Variants in SH3RF3 observed in about 807,000 individuals in gnomAD.
SH3RF3 encodes the protein SH3 domain containing ring finger 3.
SH3RF3 carries 29 observed loss-of-function variants against 66.3 expected under a neutral mutation model. That is an observed-to-expected ratio of 0.44 (90% CI 0.33 to 0.60). The LOEUF (loss-of-function observed/expected upper bound fraction) is 0.60, where lower values mean the gene tolerates loss of function less well. Ranked by LOEUF, SH3RF3 falls within the 20% of genes least tolerant of loss-of-function variation. The probability of loss-of-function intolerance (pLI) is 0.04; values close to 1 mark genes in which losing one functional copy is unlikely to be tolerated. For missense variants in SH3RF3, 1,194 were observed against 1,190.9 expected (o/e 1.00, Z -0.04); for synonymous variants, 583 against 532.0 (o/e 1.10, Z -1.32).
intron 2 of SH3RF3, among the ~76,000 whole-genome samples, chr2:109,350,546 G>A (rs1037747685): frequency 6.6e-6 from 1 of 152,156 alleles, no homozygotes; most frequent in Non-Finnish European, 1.5e-5. Context: ...GCAGAGATTG[G>A]CCACCCCTGC....
chr2:109,491,289 T>A (rs979798447), intron 9 of SH3RF3, among the ~76,000 whole-genome samples: 5 of 152,132 alleles, frequency 3.3e-5, no homozygotes, highest in African/African-American at 1.2e-4. Flanking sequence ...AGCAGGCCCC[T>A]GGGCTGAGTC....
At chr2:109,476,784 T>A (rs112511982) in intron 8 of SH3RF3, among the ~76,000 whole-genome samples, 1,697 of 152,306 alleles carry the variant, frequency 0.011, 37 homozygotes, top group African/African-American at 0.038. Flanking sequence ...CTGGTTGCCC[T>A]TTTTTATGGT....
intron 1 of SH3RF3, among the ~76,000 whole-genome samples, chr2:109,282,395 A>T (rs1680916567): frequency 6.6e-6 from 1 of 152,184 alleles, no homozygotes; most frequent in Non-Finnish European, 1.5e-5. Context: ...ATACCAAAAC[A>T]TGGGTGTGAA....
intron 1 of SH3RF3, among the ~76,000 whole-genome samples, chr2:109,131,781 C>T (rs907284301): frequency 6.6e-6 from 1 of 152,066 alleles, no homozygotes; most frequent in Non-Finnish European, 1.5e-5. Flanking sequence ...ATGTTGAGAC[C>T]CTTGGTTGAC....
intron 2 of SH3RF3, among the ~76,000 whole-genome samples, chr2:109,358,564 A>G (rs933008844): frequency 6.6e-6 from 1 of 152,146 alleles, no homozygotes; most frequent in African/African-American, 2.4e-5. Context: ...AACACACTAC[A>G]CACTACACTG....
At chr2:109,308,886 A>G (rs1681660940) in intron 1 of SH3RF3, among the ~76,000 whole-genome samples, 1 of 77,688 alleles carries the variant, frequency 1.3e-5, no homozygotes, top group Non-Finnish European at 2.1e-5. Context: ...CTTTTGGCTT[A>G]GGATTGACTT....
intron 8 of SH3RF3, among the ~76,000 whole-genome samples, chr2:109,466,543 C>T (rs1313560757): frequency 6.6e-6 from 1 of 152,160 alleles, no homozygotes; most frequent in Non-Finnish European, 1.5e-5. Flanking sequence ...TTCTCATTCT[C>T]TTGACAGTAT....
chr2:109,322,570 G>A (rs1202098199), intron 1 of SH3RF3, among the ~76,000 whole-genome samples: 1 of 152,212 alleles, frequency 6.6e-6, no homozygotes, highest in Non-Finnish European at 1.5e-5. Flanking sequence ...GATTTTGAGA[G>A]TTACTGCAAG....
At position 109,216,771 on chromosome 2, in the gene SH3RF3, A is replaced by T. The variant is rs189003565; in HGVS notation, c.573+86658A>T. ...AATTGGCATACAAATATATTTTTTT[A>T]AATTGTGGCAAAATATACATAACAT... On this transcript the variant is annotated intron_variant, in intron 1 of 9. Transcript: ENST00000309415. Among the ~76,000 whole-genome samples, 430 of 152,348 alleles carry T rather than the reference A, an allele frequency of 2.8e-3. 3 individuals carry two copies. The highest frequency in any genetic ancestry group is 4.6e-3 in the Non-Finnish European group (315 of 68,028).
intron 9 of SH3RF3, among the ~76,000 whole-genome samples, chr2:109,495,477 CTTT>C (rs569509984): frequency 2.5e-3 from 231 of 94,142 alleles, no homozygotes; most frequent in African/African-American, 9.1e-3. Context: ...TCTTTCATTC[CTTT>C]TTTTTTTTTT....
chr2:109,477,908 GC>G (rs770462124), intron 8 of SH3RF3, among the ~76,000 whole-genome samples: 42 of 152,314 alleles, frequency 2.8e-4, no homozygotes, highest in Non-Finnish European at 4.3e-4. Flanking sequence ...AAGTGCAGCA[GC>G]CCCACACCCT....
intron 1 of SH3RF3, among the ~76,000 whole-genome samples, chr2:109,258,894 G>T (rs1680285856): frequency 6.6e-6 from 1 of 152,172 alleles, no homozygotes; most frequent in Admixed American, 6.5e-5. Context: ...GTGGTCAGGG[G>T]TTTTGCCTTT....
intron 1 of SH3RF3, among the ~76,000 whole-genome samples, chr2:109,172,511 T>G (rs1037477987): frequency 1.3e-5 from 2 of 152,216 alleles, no homozygotes; most frequent in African/African-American, 2.4e-5. Flanking sequence ...TGGTGTAATT[T>G]TCCTTTCTTA....
At chr2:109,137,046 C>T (rs1318744230) in intron 1 of SH3RF3, among the ~76,000 whole-genome samples, 1 of 152,134 alleles carries the variant, frequency 6.6e-6, no homozygotes, top group Non-Finnish European at 1.5e-5. Context: ...CCAGGGACAG[C>T]GATTGCATTG....
intron 8 of SH3RF3, among the ~76,000 whole-genome samples, chr2:109,461,831 C>T (rs867212407): frequency 6.6e-6 from 1 of 152,164 alleles, no homozygotes; most frequent in African/African-American, 2.4e-5. Context: ...TGTTCTAGGT[C>T]CTACTCAAAA....
At chr2:109,228,960 G>A (rs1679435888) in intron 1 of SH3RF3, among the ~76,000 whole-genome samples, 1 of 152,166 alleles carries the variant, frequency 6.6e-6, no homozygotes, top group Admixed American at 6.5e-5. Context: ...TTCTGGTCAT[G>A]GCTAGGTCTT....
At chr2:109,345,774 T>C (rs1559034948) in intron 1 of SH3RF3, among the ~76,000 whole-genome samples, 2 of 152,216 alleles carry the variant, frequency 1.3e-5, no homozygotes, top group Non-Finnish European at 2.9e-5. Context: ...TTTTTGTAAA[T>C]TTAACCAAAC....
At chr2:109,366,285 A>T (rs1471647988) in intron 2 of SH3RF3, among the ~76,000 whole-genome samples, 1 of 152,202 alleles carries the variant, frequency 6.6e-6, no homozygotes, top group Non-Finnish European at 1.5e-5. Flanking sequence ...TCGTTTAAAA[A>T]TAACTATCAA....
chr2:109,488,086 G>A (rs562451586), intron 8 of SH3RF3, among the ~76,000 whole-genome samples: 16 of 152,266 alleles, frequency 1.1e-4, no homozygotes, highest in African/African-American at 3.1e-4. Flanking sequence ...GGGGAGGAGC[G>A]GCCAGCAGCC....
Sources: allele counts gnomAD v4.1 joint callset (sites outside exome capture counted in the v4.1 genomes callset), GRCh38; gene constraint gnomAD v4.1.1; transcripts MANE v1.5; gene names NCBI Gene and HGNC (gene_info 2026-07-23, HGNC 2026-07-21).